Variants in BBS12 observed in about 807,000 individuals in gnomAD.
The protein encoded by BBS12 is Bardet-Biedl syndrome 12.
In BBS12, 5 loss-of-function variants were observed where a neutral mutation model predicts 5.6. That is an observed-to-expected ratio of 0.89 (90% CI 0.46 to 1.86). The LOEUF is 1.86. BBS12 is among the 40% of genes most tolerant of loss of function. The pLI is 0.01. For synonymous variants in BBS12, 308 were observed against 306.8 expected, an observed-to-expected ratio of 1.00 and a Z score of -0.04; for missense variants, 748 against 830.4, an observed-to-expected ratio of 0.90 and a Z score of 1.22.
At chr4:122,726,189 A>T in the BBS12 span, among the ~76,000 whole-genome samples, 1 of 152,212 alleles carries the variant, frequency 6.6e-6, no homozygotes, top group African/African-American at 2.4e-5. Context: ...ACAAAGGACC[A>T]ATATCCAGAA....
chr4:122,734,294 C>G (rs1800752608), intron 1 of BBS12, among the ~76,000 whole-genome samples: 1 of 151,458 alleles, frequency 6.6e-6, no homozygotes, highest in African/African-American at 2.4e-5. Context: ...GAGACCGAGT[C>G]CTGCTCTGTC....
At chr4:122,717,977 G>A in the BBS12 span, among the ~76,000 whole-genome samples, 1 of 152,132 alleles carries the variant, frequency 6.6e-6, no homozygotes, top group Non-Finnish European at 1.5e-5. Context: ...AAGCCCAGAA[G>A]AGCAATTTAC....
At chr4:122,707,054 C>CTCTCTTTT in the BBS12 span, among the ~76,000 whole-genome samples, 31 of 72,264 alleles carry the variant, frequency 4.3e-4, no homozygotes, top group East Asian at 2.8e-3. Flanking sequence ...CTCTCTCTCT[C>CTCTCTTTT]TTTTTTTTTT....
chr4:122,707,514 C>G, the BBS12 span, among the ~76,000 whole-genome samples: 2 of 152,136 alleles, frequency 1.3e-5, no homozygotes, highest in African/African-American at 2.4e-5. Context: ...GTGGCTTGAA[C>G]CATGGGCTTA....
At chr4:122,739,305 C>A (rs1306429652) in intron 1 of BBS12, among the ~76,000 whole-genome samples, 1 of 152,174 alleles carries the variant, frequency 6.6e-6, no homozygotes, top group Non-Finnish European at 1.5e-5. Context: ...AAATCAAAAC[C>A]CTCATACATT....
rs1480868238 is a variant in BBS12 at position 122,743,420 on chromosome 4, G to A, written c.1528G>A (p.Ala510Thr). The change falls in exon 2 of 2, where the codon GCA becomes ACA. Residue 510 changes from alanine (A) to threonine (T), a missense_variant. Physicochemically the swap from Ala to Thr is moderately conservative, Grantham distance 58. Coordinates refer to ENST00000314218, the MANE Select transcript of BBS12 (RefSeq NM_152618.3). ...VTAVLTNPVT[A>T]QMQIKEDRFW... Reference sequence around the variant, plus strand: ...GGCCGTGCTCACTAACCCAGTTACTGCACAGATGCAAATCAAAGAAGATAG... The same window carrying A: ...GGCCGTGCTCACTAACCCAGTTACTACACAGATGCAAATCAAAGAAGATAG... 15 of 1,614,084 alleles carry A rather than the reference G, an allele frequency of 9.3e-6. No individual in the cohort carries two copies. Among genetic ancestry groups the A allele is most frequent in the Non-Finnish European group, 1.3e-5 (15 of 1,180,042 alleles).
chr4:122,719,579 C>G, the BBS12 span, among the ~76,000 whole-genome samples: 3 of 152,090 alleles, frequency 2.0e-5, no homozygotes, highest in Admixed American at 6.6e-5. Flanking sequence ...GACGCACCAC[C>G]TTTAAGAGCT....
At chr4:122,717,126 C>T in the BBS12 span, among the ~76,000 whole-genome samples, 3 of 152,082 alleles carry the variant, frequency 2.0e-5, no homozygotes, top group Non-Finnish European at 2.9e-5. Context: ...GATTATAACT[C>T]GTCAAGGTTA....
At chr4:122,708,136 C>T in the BBS12 span, among the ~76,000 whole-genome samples, 3 of 151,950 alleles carry the variant, frequency 2.0e-5, no homozygotes, top group Non-Finnish European at 4.4e-5. Flanking sequence ...ATCAGCCTCC[C>T]GAGTAGCTGG....
intron 1 of BBS12, among the ~76,000 whole-genome samples, chr4:122,737,429 T>C (rs1445094498): frequency 6.6e-6 from 1 of 152,260 alleles, no homozygotes; most frequent in East Asian, 1.9e-4. Flanking sequence ...TTGTATATGT[T>C]ATGTAACTAT....
At chr4:122,707,622 G>T in the BBS12 span, among the ~76,000 whole-genome samples, 1 of 152,142 alleles carries the variant, frequency 6.6e-6, no homozygotes, top group Non-Finnish European at 1.5e-5. Flanking sequence ...GTTGTTGAGT[G>T]GCTCAGGGCT....
chr4:122,704,261 AGG>A, the BBS12 span, among the ~76,000 whole-genome samples: 1 of 152,258 alleles, frequency 6.6e-6, no homozygotes, highest in African/African-American at 2.4e-5. Context: ...TCCATTTTTA[AGG>A]GGCTTCCCCA....
chr4:122,743,868 T>C lies in BBS12; in HGVS notation c.1976T>C (p.Ile659Thr). 2 of 1,605,468 alleles carry C rather than the reference T, an allele frequency of 1.2e-6. No individual in the cohort carries two copies. Among genetic ancestry groups the C allele is most frequent in the Non-Finnish European group, 1.7e-6 (2 of 1,175,902 alleles). The change falls in exon 2 of 2, where the codon ATT becomes ACT. Residue 659 changes from isoleucine to threonine, a missense_variant. Physicochemically the swap from Ile to Thr is moderately conservative, Grantham distance 89. Transcript: ENST00000314218. ...NSDISNKLEQ[I>T]PRVYDVVTPK... is the part of the protein sequence containing the mutation. ...GACATTTCAAATAAACTGGAGCAGA[T>C]TCCGAGAGTTTATGACGTTGTTACA...
At chr4:122,734,291 A>C (rs1322610463) in intron 1 of BBS12, among the ~76,000 whole-genome samples, 1 of 151,490 alleles carries the variant, frequency 6.6e-6, no homozygotes, top group African/African-American at 2.4e-5. Flanking sequence ...TTTGAGACCG[A>C]GTCCTGCTCT....
the BBS12 span, among the ~76,000 whole-genome samples, chr4:122,722,272 G>T: frequency 6.6e-6 from 1 of 152,062 alleles, no homozygotes. Context: ...CTATTCCACC[G>T]GTCCACTAGT....
chr4:122,701,957 T>C, the BBS12 span, among the ~76,000 whole-genome samples: 1 of 152,184 alleles, frequency 6.6e-6, no homozygotes, highest in Non-Finnish European at 1.5e-5. Flanking sequence ...CTCTGCTTCC[T>C]GTCCGCTGAA....
chr4:122,714,279 G>C, the BBS12 span, among the ~76,000 whole-genome samples: 1 of 152,160 alleles, frequency 6.6e-6, no homozygotes. Flanking sequence ...TTGGTACCTT[G>C]ATCTCAGACT....
In BBS12 at chr4:122,742,726, A is replaced by C. The variant is rs1176613005; in HGVS notation, c.834A>C (p.Gly278=). 6.2e-7 allele frequency: 1 copy of C among 1,614,274 alleles called. No individual in the cohort carries two copies. The highest frequency in any genetic ancestry group is 1.3e-5 in the African/African-American group (1 of 75,082). ...AGTTGGCAGTAGGCTTGAGTCATGG[A>C]GATCACAGCAGCATGAAGTTAGTAG... The part of the protein sequence containing the change: ...LVELAVGLSH[G]DHSSMKLVEE... Residue 278 remains glycine (G), a synonymous_variant, in exon 2 of 2, where the codon GGA becomes GGC. Transcript: ENST00000314218.
In BBS12 at chr4:122,738,526, A is replaced by T. The variant is rs146884491; in HGVS notation, c.-10-3357A>T. ...TGCCTGGCCTAGATTTCTAATTTCT[A>T]ACTAAAAACATTTGGTCATCAAAAT... On this transcript the variant is annotated intron_variant, in intron 1 of 1. Transcript: ENST00000314218. Among the ~76,000 whole-genome samples, 365 of 152,310 alleles carry T rather than the reference A, an allele frequency of 2.4e-3. 3 individuals are homozygous for T. The highest frequency in any genetic ancestry group is 8.4e-3 in the African/African-American group (350 of 41,562).
Sources: allele counts gnomAD v4.1 joint callset (sites outside exome capture counted in the v4.1 genomes callset), GRCh38; gene constraint gnomAD v4.1.1; transcripts MANE v1.5; gene names NCBI Gene and HGNC (gene_info 2026-07-23, HGNC 2026-07-21).